The following CARS1 variants were observed in gnomAD, a reference collection of about 807,000 sequenced individuals.
CARS1 encodes cysteine--tRNA ligase, cytoplasmic.
A neutral mutation model predicts 106.2 loss-of-function variants in CARS1; 48 were observed. The observed-to-expected ratio is 0.45, with a 90% CI of 0.36 to 0.57. The LOEUF (loss-of-function observed/expected upper bound fraction) is 0.57. Ranked by LOEUF, CARS1 falls within the 20% of genes least tolerant of loss-of-function variation. The pLI is 0.00. For missense variants in CARS1, 968 were observed against 1,057.2 expected (o/e 0.92, Z 1.17); for synonymous variants, 409 against 403.4 (o/e 1.01, Z -0.17).
intron 16 of CARS1, among the ~76,000 whole-genome samples, chr11:3,016,554 T>C (rs1403126496): frequency 6.6e-6 from 1 of 151,590 alleles, no homozygotes; most frequent in Non-Finnish European, 1.5e-5. Flanking sequence ...AAGATGGGAG[T>C]AGAGGGAAAC....
Position 3,038,553 on chromosome 11 carries a change from A to G in CARS1, c.652-354T>C, listed in dbSNP as rs1853992101. 6.6e-6 allele frequency among the ~76,000 whole-genome samples: 1 copy of G among 152,250 alleles called. No homozygotes were observed. Among genetic ancestry groups the G allele is most frequent in the Non-Finnish European group, 1.5e-5 (1 of 68,034 alleles). On this transcript the variant is annotated intron_variant, in intron 6 of 22. Coordinates refer to ENST00000380525, the MANE Select transcript of CARS1 (RefSeq NM_001014437.3). This position sits in a 1 kb window ranked among gnomAD's most constrained non-coding sequence, Gnocchi z 4.0. ...GAGGTGTGCTGCAGACACATCCATCAGGAAGGTACTCAGGCCTCACTGACC... is the reference window on the plus strand; with the variant it reads ...GAGGTGTGCTGCAGACACATCCATCGGGAAGGTACTCAGGCCTCACTGACC...
intron 12 of CARS1, 142 bp downstream of exon 12, chr11:3,018,997 G>A: frequency 9.1e-7 from 1 of 1,099,640 alleles, no homozygotes; most frequent in South Asian, 1.6e-5. Context: ...AATGATCAGG[G>A]TTCAGATTCC....
rs1373188833 is a variant in CARS1, at chr11:3,041,484, G to A, written c.367-500C>T. On this transcript the variant is annotated intron_variant, in intron 3 of 22. Transcript: ENST00000380525. This position sits in a 1 kb window ranked among gnomAD's most constrained non-coding sequence, Gnocchi z 4.9. ...TTGGAGGCCAGGACCCCTGAATCGT[G>A]GTGCTGCTCTGGCACCACTCCCCAA... Among the ~76,000 whole-genome samples the A allele has an allele frequency of 6.6e-6, 1 of 152,098 alleles. No individual in the cohort carries two copies. The highest frequency in any genetic ancestry group is 1.5e-5 in the Non-Finnish European group (1 of 68,014).
chr11:3,038,061 T>C lies in CARS1; in HGVS notation c.790A>G (p.Ser264Gly). ...QSRLTGEEVN[S>G]CVEVLLEEAK... ...GTGTGAAGCCTCACCTCCACACAGC[T>C]GTTGACTTCCTCTCCCGTGAGTCTG... Residue 264 changes from serine to glycine, a missense_variant, in exon 7 of 23, where the codon AGC becomes GGC. Transcript: ENST00000380525. This position sits in a 1 kb window ranked among gnomAD's most constrained non-coding sequence, Gnocchi z 4.0. 6.2e-7 allele frequency: 1 copy of C among 1,613,326 alleles called. No homozygotes were observed. Among genetic ancestry groups the C allele is most frequent in the South Asian group, 1.1e-5 (1 of 91,062 alleles).
chr11:3,054,971 T>C (rs1321032205), intron 1 of CARS1: 2 of 702,548 alleles, frequency 2.8e-6, no homozygotes, highest in African/African-American at 1.7e-5. Flanking sequence ...ATGAAACTCA[T>C]CCTTCTGAAA....
chr11:3,038,083 T>C lies in CARS1; in HGVS notation c.768A>G (p.Arg256=). ...AGCTGTTGACTTCCTCTCCCGTGAG[T>C]CTGGACTGCACAGCTTTCTCAAGTG... ...TEPLEKAVQS[R]LTGEEVNSCV... Residue 256 remains arginine (R), a synonymous_variant, in exon 7 of 23, where the codon AGA becomes AGG. Coordinates refer to ENST00000380525, the MANE Select transcript of CARS1 (RefSeq NM_001014437.3). The surrounding 1 kb of genome is among the most constrained non-coding windows in gnomAD (Gnocchi z 4.0). 15 of 1,614,056 alleles carry C rather than the reference T, an allele frequency of 9.3e-6. No individual in the cohort carries two copies. Among genetic ancestry groups the C allele is most frequent in the Non-Finnish European group, 1.2e-5 (14 of 1,179,924 alleles).
chr11:3,033,087 AACAG>A (rs1853086179), intron 7 of CARS1, among the ~76,000 whole-genome samples: 1 of 152,102 alleles, frequency 6.6e-6, no homozygotes, highest in African/African-American at 2.4e-5. Flanking sequence ...AATAAGGAGA[AACAG>A]ACAAATTCAT....
intron 1 of CARS1, among the ~76,000 whole-genome samples, chr11:3,055,662 G>A (rs768376719): frequency 6.6e-6 from 1 of 152,214 alleles, no homozygotes; most frequent in Non-Finnish European, 1.5e-5. Context: ...TTCTTACAAG[G>A]CTCTGAAAAC....
rs552581737 is a variant in CARS1, at chr11:3,004,620, G to T, written c.2217+746C>A. On this transcript the variant is annotated intron_variant, in intron 20 of 22. Transcript: ENST00000380525. This position sits in a 1 kb window ranked among gnomAD's most constrained non-coding sequence, Gnocchi z 5.2. ...GCCTGCATCCCAGGGTACCCCATGC[G>T]CTGTGCCCAGAGATTCTGACATTGC... is the stretch of plus-strand genomic sequence containing the variant. Among the ~76,000 whole-genome samples, 1 of 152,216 alleles carries T rather than the reference G, an allele frequency of 6.6e-6. No homozygotes were observed. Among genetic ancestry groups the T allele is most frequent in the African/African-American group, 2.4e-5 (1 of 41,464 alleles).
At chr11:3,014,853 G>A (rs183104212) in intron 17 of CARS1, among the ~76,000 whole-genome samples, 73 of 152,338 alleles carry the variant, frequency 4.8e-4, no homozygotes, top group Non-Finnish European at 8.2e-4. Flanking sequence ...AGCTCCATCC[G>A]CATGGGGGCT....
chr11:3,039,263 C>T lies in CARS1; in HGVS notation c.582G>A (p.Leu194=). The change falls in exon 6 of 23, where the codon CTG becomes CTA. Residue 194 remains leucine, a synonymous_variant. Transcript: ENST00000380525. The surrounding 1 kb of genome is among the most constrained non-coding windows in gnomAD (Gnocchi z 5.6). ...KIIKRARQNH[L]FEQYREKRPE... is the part of the protein sequence containing the mutation. ...GCCTCTTCTCCCGATACTGCTCGAA[C>T]AGGTGGTTCTGCCGGGCCCTCTTGA... The T allele has an allele frequency of 1.2e-6, 2 of 1,613,762 alleles. No homozygotes were observed. The highest frequency in any genetic ancestry group is 1.7e-6 in the Non-Finnish European group (2 of 1,179,734).
At chr11:3,055,235 A>G (rs1369388986) in intron 1 of CARS1, among the ~76,000 whole-genome samples, 1 of 151,666 alleles carries the variant, frequency 6.6e-6, no homozygotes, top group Non-Finnish European at 1.5e-5. Flanking sequence ...ATCTCGACTC[A>G]CTGCAAGCTC....
chr11:3,018,321 G>A, intron 14 of CARS1, 87 bp downstream of exon 14: 2 of 832,454 alleles, frequency 2.4e-6, no homozygotes, highest in Admixed American at 2.2e-5. Context: ...ACATCGGGAG[G>A]CTGGTGCACC....
rs552987034 is a variant in CARS1, at chr11:3,022,321, C to T, written c.1154-1989G>A. Among the ~76,000 whole-genome samples, 1 of 152,306 alleles carries T rather than the reference C, an allele frequency of 6.6e-6. No homozygotes were observed. The highest frequency in any genetic ancestry group is 2.1e-4 in the South Asian group (1 of 4,828). On this transcript the variant is annotated intron_variant, in intron 10 of 22. Coordinates refer to ENST00000380525, the MANE Select transcript of CARS1 (RefSeq NM_001014437.3). The surrounding 1 kb of genome is among the most constrained non-coding windows in gnomAD (Gnocchi z 4.9). ...GAAGACCTGCACCAAGGAACTGACTCGTCGCAGAAATGTGGTTTACCTCCC... is the reference window on the plus strand; with the variant it reads ...GAAGACCTGCACCAAGGAACTGACTTGTCGCAGAAATGTGGTTTACCTCCC...
At chr11:3,016,396 AT>A (rs763415577) in intron 16 of CARS1, among the ~76,000 whole-genome samples, 17 of 150,848 alleles carry the variant, frequency 1.1e-4, no homozygotes, top group Admixed American at 5.9e-4. Context: ...AGTTTTTTGT[AT>A]TTTTTTTAGT....
chr11:3,055,165 A>ATTT, intron 1 of CARS1: 4 of 471,662 alleles, frequency 8.5e-6, no homozygotes, highest in Non-Finnish European at 1.1e-5. Context: ...TTACGATTGG[A>ATTT]TTTTTTTTTT....
intron 16 of CARS1, among the ~76,000 whole-genome samples, chr11:3,016,773 T>C (rs1851051172): frequency 1.3e-5 from 2 of 152,004 alleles, no homozygotes; most frequent in Admixed American, 6.5e-5. Context: ...CCACCACACC[T>C]GGCTAATTTT....
At position 3,045,327 on chromosome 11, in the gene CARS1, C is replaced by G. The variant is rs573795056; in HGVS notation, c.274+2426G>C. Among the ~76,000 whole-genome samples the G allele has an allele frequency of 6.6e-6, 1 of 152,090 alleles. No individual in the cohort carries two copies. Among genetic ancestry groups the G allele is most frequent in the African/African-American group, 2.4e-5 (1 of 41,418 alleles). Reference sequence around the variant, plus strand: ...TCACCTAGGCTGGAGTACAGTGGCACGATCTCGGCTCACTGCAAGCTCCGC... The same window carrying G: ...TCACCTAGGCTGGAGTACAGTGGCAGGATCTCGGCTCACTGCAAGCTCCGC... On this transcript the variant is annotated intron_variant, in intron 2 of 22. Transcript: ENST00000380525. The surrounding 1 kb of genome is among the most constrained non-coding windows in gnomAD (Gnocchi z 5.6).
Position 3,029,648 on chromosome 11 carries a change from TCAC to T in CARS1, c.802-208_802-206del. ...ACAAGACTCTACAAATGGGCAGGTC[TCAC>T]ATGAACTCAGAGGAGCAAAGCCAAG... On this transcript the variant is annotated intron_variant, in intron 7 of 22. Coordinates refer to ENST00000380525, the MANE Select transcript of CARS1 (RefSeq NM_001014437.3). The surrounding 1 kb of genome is among the most constrained non-coding windows in gnomAD (Gnocchi z 5.9). The T allele has an allele frequency of 1.8e-6, 1 of 570,138 alleles. No individual in the cohort carries two copies. Among genetic ancestry groups the T allele is most frequent in the Non-Finnish European group, 3.1e-6 (1 of 325,912 alleles). The allele number at this position is 570,138 out of a possible 1,614,324, so 35.3% of individuals were successfully genotyped here.
Sources: gnomAD v4.1 joint callset for allele counts (sites outside exome capture counted in the v4.1 genomes callset) on GRCh38, gnomAD v4.1.1 for gene constraint, Gnocchi (gnomAD v3.1) non-coding constraint, MANE v1.5 for transcripts, NCBI Gene and HGNC (gene_info 2026-07-23, HGNC 2026-07-21) for gene names.